Variants in PRKAR1B observed in about 807,000 individuals in gnomAD.
PRKAR1B encodes protein kinase cAMP-dependent type I regulatory subunit beta.
PRKAR1B carries 22 observed loss-of-function variants against 46.5 expected under a neutral mutation model. The ratio of observed to expected loss-of-function variants is 0.47; its 90% CI spans 0.34 to 0.68. The LOEUF is 0.68. PRKAR1B is among the 30% of genes least tolerant of loss of function. The pLI, the probability that PRKAR1B is intolerant of heterozygous loss-of-function variation, is 0.01. For missense variants in PRKAR1B, 445 were observed against 535.6 expected (o/e 0.83, Z 1.67); for synonymous variants, 259 against 217.7 (o/e 1.19, Z -1.67).
intron 9 of PRKAR1B, among the ~76,000 whole-genome samples, chr7:575,532 C>CT (rs1378890065): frequency 6.6e-6 from 1 of 152,132 alleles, no homozygotes; most frequent in Non-Finnish European, 1.5e-5. Context: ...TTGAAGCCAT[C>CT]TTTTTTTGTT....
chr7:619,268 G>A (rs140543458), intron 4 of PRKAR1B, among the ~76,000 whole-genome samples: 1 of 152,298 alleles, frequency 6.6e-6, no homozygotes, highest in East Asian at 1.9e-4. Flanking sequence ...GGGGGAACCA[G>A]CCCTGCCCAC....
chr7:629,004 C>T (rs1383338550), intron 4 of PRKAR1B, among the ~76,000 whole-genome samples: 3 of 152,198 alleles, frequency 2.0e-5, no homozygotes, highest in Admixed American at 6.5e-5. Flanking sequence ...ACTCCGCCAC[C>T]GCGGGACGCC....
At position 680,647 on chromosome 7, in the gene PRKAR1B, G is replaced by A; in HGVS notation, c.257C>T (p.Pro86Leu). The change falls in exon 3 of 11, where the codon CCC (proline) becomes CTC (leucine). Residue 86 changes from proline (P) to leucine (L), a missense_variant. Physicochemically the swap from Pro to Leu is moderately conservative, Grantham distance 98. This residue lies in a region of PRKAR1B where 155 missense variants were observed against 127.5 expected (regional missense o/e 1.22). Transcript: ENST00000537384. The part of the protein sequence containing the change: ...DSHDEEVSPT[P>L]PNPVVKARRR... ...GCGGGCCTTCACCACAGGGTTCGGGGGGGTGGGCGACACCTCCTCATCATG... is the reference window on the plus strand; with the variant it reads ...GCGGGCCTTCACCACAGGGTTCGGGAGGGTGGGCGACACCTCCTCATCATG... 2 of 1,613,638 alleles carry A rather than the reference G, an allele frequency of 1.2e-6. No homozygotes were observed. The highest frequency in any genetic ancestry group is 1.7e-6 in the Non-Finnish European group (2 of 1,179,922).
intron 4 of PRKAR1B, among the ~76,000 whole-genome samples, chr7:617,704 C>A (rs919015347): frequency 6.6e-6 from 1 of 152,168 alleles, no homozygotes; most frequent in Non-Finnish European, 1.5e-5. Flanking sequence ...CTGTTTCCCC[C>A]GTCCTGGCAG....
chr7:550,827 A>C (rs1025492655), intron 10 of PRKAR1B, among the ~76,000 whole-genome samples: 12 of 152,288 alleles, frequency 7.9e-5, no homozygotes, highest in African/African-American at 2.9e-4. Context: ...TCAGCTAGCC[A>C]TTGTCCTGCA....
Position 710,595 on chromosome 7 carries a change from G to A in PRKAR1B, c.177+734C>T, listed in dbSNP as rs145038599. 9.4e-4 allele frequency among the ~76,000 whole-genome samples: 142 copies of A among 151,444 alleles called. 1 individual carries two copies. The highest frequency in any genetic ancestry group is 3.2e-3 in the African/African-American group (134 of 41,254). Reference sequence around the variant, plus strand: ...CTGCTGCAAGATCAACGTGGAATTCGACCTCAAACCCCACATCACCTTAGC... The same window carrying A: ...CTGCTGCAAGATCAACGTGGAATTCAACCTCAAACCCCACATCACCTTAGC... On this transcript the variant is annotated intron_variant, in intron 2 of 10. Transcript: ENST00000537384.
chr7:704,866 A>G (rs904008665), intron 2 of PRKAR1B, among the ~76,000 whole-genome samples: 1 of 152,266 alleles, frequency 6.6e-6, no homozygotes, highest in African/African-American at 2.4e-5. Flanking sequence ...CTCAGTAGTA[A>G]GAAAACAGAC....
intron 4 of PRKAR1B, among the ~76,000 whole-genome samples, chr7:648,605 C>T (rs529125858): frequency 4.6e-5 from 7 of 151,814 alleles, no homozygotes; most frequent in South Asian, 4.2e-4. Context: ...AGTGAGACTC[C>T]GTCTCAAAAA....
intron 4 of PRKAR1B, among the ~76,000 whole-genome samples, chr7:668,051 C>G (rs931865099): frequency 6.6e-6 from 1 of 152,216 alleles, no homozygotes; most frequent in African/African-American, 2.4e-5. Context: ...GTCACACAGC[C>G]TGTGATGATG....
rs112694297 is a variant in PRKAR1B at position 560,137 on chromosome 7, C to T, written c.892-8667G>A. ...GTGGGAGGGACCCAGGGGGCGGTAA[C>T]TGAATCATGGCATGGGGTGACGGTT... On this transcript the variant is annotated intron_variant, in intron 9 of 10. Transcript: ENST00000537384. This position sits in a 1 kb window ranked among gnomAD's most constrained non-coding sequence, Gnocchi z 4.2. Among the ~76,000 whole-genome samples, 1,154 of 152,228 alleles carry T rather than the reference C, an allele frequency of 7.6e-3. 18 individuals carry two copies. The highest frequency in any genetic ancestry group is 0.026 in the African/African-American group (1,093 of 41,520).
intron 6 of PRKAR1B, among the ~76,000 whole-genome samples, chr7:597,745 C>T (rs1014603479): frequency 4.6e-5 from 7 of 152,194 alleles, no homozygotes; most frequent in African/African-American, 9.7e-5. Context: ...CTGCGATGGC[C>T]GGGGCACAGC....
At chr7:631,088 A>T (rs1807436446) in intron 4 of PRKAR1B, among the ~76,000 whole-genome samples, 2 of 151,794 alleles carry the variant, frequency 1.3e-5, no homozygotes, top group African/African-American at 2.4e-5. Flanking sequence ...AGTAACTGGG[A>T]TTACAGGCAC....
intron 4 of PRKAR1B, among the ~76,000 whole-genome samples, chr7:670,869 C>A (rs1218213281): frequency 6.6e-6 from 1 of 152,018 alleles, no homozygotes. Context: ...CGAGCTCCCC[C>A]ATGCCACGGC....
At chr7:618,451 G>A (rs1056464981) in intron 4 of PRKAR1B, among the ~76,000 whole-genome samples, 7 of 152,212 alleles carry the variant, frequency 4.6e-5, no homozygotes, top group Non-Finnish European at 7.4e-5. Context: ...CTCCCCTCTC[G>A]TTTGTATGTT....
chr7:593,878 G>A lies in PRKAR1B; in HGVS notation c.708+2268C>T, dbSNP rs947113571. 2.0e-5 allele frequency among the ~76,000 whole-genome samples: 3 copies of A among 152,180 alleles called. No individual in the cohort carries two copies. The highest frequency in any genetic ancestry group is 2.0e-4 in the Admixed American group (3 of 15,288). On this transcript the variant is annotated intron_variant, in intron 7 of 10. Transcript: ENST00000537384. This position sits in a 1 kb window ranked among gnomAD's most constrained non-coding sequence, Gnocchi z 6.1. Reference sequence around the variant, plus strand: ...CAGGTGCATAAATGAGAAGCTCATGGGGTGCAGAATCTGATGAAACAGCCG... The same window carrying A: ...CAGGTGCATAAATGAGAAGCTCATGAGGTGCAGAATCTGATGAAACAGCCG...
At position 559,803 on chromosome 7, in the gene PRKAR1B, C is replaced by T. The variant is rs560602186; in HGVS notation, c.892-8333G>A. Among the ~76,000 whole-genome samples the T allele has an allele frequency of 1.3e-4, 20 of 152,252 alleles. 1 individual carries two copies. The South Asian group carries it at 3.5e-3, about 27-fold the overall frequency. ...TTAAATAAATATTTTAGGCTGGGCA[C>T]GGTGGCTCACACCTGTAATCCCAAT... On this transcript the variant is annotated intron_variant, in intron 9 of 10. Coordinates refer to ENST00000537384, the MANE Select transcript of PRKAR1B (RefSeq NM_001164760.2).
At chr7:665,835 C>T (rs753050246) in intron 4 of PRKAR1B, among the ~76,000 whole-genome samples, 15 of 152,128 alleles carry the variant, frequency 9.9e-5, no homozygotes, top group Non-Finnish European at 1.8e-4. Flanking sequence ...CCTGAGGATC[C>T]GAGCCAGTTT....
chr7:718,545 C>T lies in PRKAR1B; in HGVS notation c.-22-7018G>A, dbSNP rs567417743. ...CAAATTTTTGTATTTTTAGTAGAGACGGGGTTTGACCATGTTGGCCAGGCT... is the reference window on the plus strand; with the variant it reads ...CAAATTTTTGTATTTTTAGTAGAGATGGGGTTTGACCATGTTGGCCAGGCT... On this transcript the variant is annotated intron_variant, in intron 1 of 10. Transcript: ENST00000537384. 7.9e-5 allele frequency among the ~76,000 whole-genome samples: 12 copies of T among 151,690 alleles called. No individual in the cohort carries two copies. In the East Asian group the frequency reaches 1.6e-3, roughly 20 times the overall value.
chr7:699,550 T>C (rs1779952434), intron 2 of PRKAR1B, among the ~76,000 whole-genome samples: 1 of 152,142 alleles, frequency 6.6e-6, no homozygotes, highest in Non-Finnish European at 1.5e-5. Flanking sequence ...CCTCCCTCCC[T>C]GCAGAGCTGG....
Sources: allele counts gnomAD v4.1 joint callset (sites outside exome capture counted in the v4.1 genomes callset), GRCh38; gene constraint gnomAD v4.1.1; regional missense constraint gnomAD v4.1.1; non-coding constraint Gnocchi (gnomAD v3.1); transcripts MANE v1.5; gene names NCBI Gene and HGNC (gene_info 2026-07-23, HGNC 2026-07-21).